SGCZ: variants seen among roughly 807,000 people sequenced by gnomAD.
The protein encoded by SGCZ is zeta-sarcoglycan.
A neutral mutation model predicts 41.3 loss-of-function variants in SGCZ; 40 were observed. The observed-to-expected ratio is 0.97, with a 90% CI of 0.75 to 1.26. SGCZ has a LOEUF of 1.26. SGCZ is among the 50% of genes most tolerant of loss of function. The pLI, the probability that SGCZ is intolerant of heterozygous loss-of-function variation, is 0.00. For synonymous variants in SGCZ, 206 were observed against 137.5 expected (o/e 1.50, Z -3.49); for missense variants, 552 against 369.8 (o/e 1.49, Z -4.04).
chr8:14,746,289 C>T (rs989201392), intron 1 of SGCZ, among the ~76,000 whole-genome samples: 4 of 152,134 alleles, frequency 2.6e-5, no homozygotes, highest in South Asian at 2.1e-4. Context: ...AGATTTTTCA[C>T]GTTCCACATT....
At chr8:14,876,560 T>C (rs537181912) in intron 1 of SGCZ, among the ~76,000 whole-genome samples, 20 of 152,264 alleles carry the variant, frequency 1.3e-4, no homozygotes, top group Non-Finnish European at 2.5e-4. Context: ...AACCGTACAC[T>C]TTAAACGGGT....
At position 14,259,524 on chromosome 8, in the gene SGCZ, C is replaced by T. The variant is rs982448486; in HGVS notation, c.337-21845G>A. On this transcript the variant is annotated intron_variant, in intron 3 of 7. Coordinates refer to ENST00000382080, the MANE Select transcript of SGCZ (RefSeq NM_139167.4). ...GAAGGGATCCAGTTTCAGCTTTCTA[C>T]ATATGGCTAGCCAGTTTTCCCAGCA... is the stretch of plus-strand genomic sequence containing the variant. Among the ~76,000 whole-genome samples, 4 of 147,376 alleles carry T rather than the reference C, an allele frequency of 2.7e-5. No homozygotes were observed. In the South Asian group the frequency reaches 8.7e-4, roughly 32 times the overall value.
chr8:14,245,791 T>G (rs1223321338), intron 3 of SGCZ, among the ~76,000 whole-genome samples: 1 of 152,168 alleles, frequency 6.6e-6, no homozygotes, highest in East Asian at 1.9e-4. Flanking sequence ...GTGAAGGACA[T>G]GAACAGACGC....
chr8:15,237,551 A>T (rs1029018281), intron 1 of SGCZ, 34 bp downstream of exon 1: 7 of 1,581,178 alleles, frequency 4.4e-6, no homozygotes, highest in Non-Finnish European at 5.2e-6. Context: ...AGCGCCGAGA[A>T]GCGGCCGCGA....
chr8:14,434,614 C>G (rs1800035771), intron 2 of SGCZ, among the ~76,000 whole-genome samples: 1 of 152,118 alleles, frequency 6.6e-6, no homozygotes, highest in Non-Finnish European at 1.5e-5. Context: ...GGATGTGTTT[C>G]AATTTGTTTG....
intron 1 of SGCZ, among the ~76,000 whole-genome samples, chr8:14,577,797 T>G (rs76173729): frequency 0.024 from 3,632 of 152,352 alleles, 75 homozygotes; most frequent in East Asian, 0.065. Context: ...ATTGAGATTC[T>G]GTGTGTATTG....
intron 1 of SGCZ, among the ~76,000 whole-genome samples, chr8:14,747,690 T>TATTATTATG (rs1436311134): frequency 1.5e-5 from 2 of 133,534 alleles, no homozygotes; most frequent in African/African-American, 5.2e-5. Context: ...TTATTATTAT[T>TATTATTATG]ATGTGTGTGT....
chr8:14,479,821 C>G (rs574960098), intron 2 of SGCZ, among the ~76,000 whole-genome samples: 1 of 147,142 alleles, frequency 6.8e-6, no homozygotes, highest in East Asian at 2.1e-4. Context: ...TCTCGGCTCA[C>G]TGCAACCTCC....
chr8:15,186,262 CAAAAAAAAAAAAA>C (rs61237091), intron 1 of SGCZ, among the ~76,000 whole-genome samples: 207 of 80,652 alleles, frequency 2.6e-3, no homozygotes, highest in African/African-American at 0.012. Context: ...GATTCCGTAC[CAAAAAAAAAAAAA>C]AAAAAAAAAA....
chr8:15,047,125 G>A (rs951875151), intron 1 of SGCZ, among the ~76,000 whole-genome samples: 2 of 151,886 alleles, frequency 1.3e-5, no homozygotes, highest in African/African-American at 2.4e-5. Context: ...CTTACCTTGG[G>A]TATATGCAAT....
intron 5 of SGCZ, among the ~76,000 whole-genome samples, chr8:14,124,988 A>G (rs1234402395): frequency 6.6e-6 from 1 of 152,170 alleles, no homozygotes; most frequent in Non-Finnish European, 1.5e-5. Flanking sequence ...AAAAATTCCT[A>G]TACACGAACA....
chr8:14,289,613 A>AT (rs535921944), intron 3 of SGCZ, among the ~76,000 whole-genome samples: 44 of 152,158 alleles, frequency 2.9e-4, no homozygotes, highest in Admixed American at 1.4e-3. Flanking sequence ...GTAACATGCT[A>AT]TTTTGGTCAT....
At chr8:14,714,639 T>G (rs1188119099) in intron 1 of SGCZ, among the ~76,000 whole-genome samples, 1 of 151,968 alleles carries the variant, frequency 6.6e-6, no homozygotes, top group Non-Finnish European at 1.5e-5. Context: ...CTGCAGATGA[T>G]TAAAGAAAAT....
chr8:14,184,315 A>G (rs1280168909), intron 4 of SGCZ, among the ~76,000 whole-genome samples: 2 of 152,136 alleles, frequency 1.3e-5, no homozygotes, highest in East Asian at 1.9e-4. Flanking sequence ...TAACTCATAC[A>G]CTTATGGCCT....
chr8:14,567,687 G>A (rs1402059172), intron 1 of SGCZ, among the ~76,000 whole-genome samples: 1 of 152,118 alleles, frequency 6.6e-6, no homozygotes, highest in Non-Finnish European at 1.5e-5. Context: ...TCTTGATACT[G>A]CTCACTCTTT....
intron 1 of SGCZ, among the ~76,000 whole-genome samples, chr8:14,650,185 T>C (rs967936799): frequency 6.6e-6 from 1 of 152,012 alleles, no homozygotes; most frequent in Non-Finnish European, 1.5e-5. Context: ...TCAAAACTAC[T>C]GGAGTTAACA....
At chr8:15,112,185 T>C (rs1202055623) in intron 1 of SGCZ, among the ~76,000 whole-genome samples, 1 of 152,228 alleles carries the variant, frequency 6.6e-6, no homozygotes, top group Non-Finnish European at 1.5e-5. Flanking sequence ...CGCGAGAACA[T>C]AGTTGAAACC....
rs368732120 is a variant in SGCZ at position 14,943,542 on chromosome 8, C to A, written c.39+294043G>T. ...CCTCTTTCCATCTATGAGAATGGAACAGAAAAAGCAATGCATTGCCTGTTT... is the reference window on the plus strand; with the variant it reads ...CCTCTTTCCATCTATGAGAATGGAAAAGAAAAAGCAATGCATTGCCTGTTT... On this transcript the variant is annotated intron_variant, in intron 1 of 7. Transcript: ENST00000382080. Among the ~76,000 whole-genome samples the A allele has an allele frequency of 7.9e-5, 12 of 152,208 alleles. No homozygotes were observed. The East Asian group carries it at 2.3e-3, about 29-fold the overall frequency.
chr8:14,534,593 G>T (rs1803237838), intron 2 of SGCZ, among the ~76,000 whole-genome samples: 1 of 151,970 alleles, frequency 6.6e-6, no homozygotes, highest in Non-Finnish European at 1.5e-5. Context: ...ATCTGGGACA[G>T]GAGACCGTTG....
Sources: allele counts gnomAD v4.1 joint callset (sites outside exome capture counted in the v4.1 genomes callset), GRCh38; gene constraint gnomAD v4.1.1; transcripts MANE v1.5; gene names NCBI Gene and HGNC (gene_info 2026-07-23, HGNC 2026-07-21).